COL7A1: variants seen among roughly 807,000 people sequenced by gnomAD.
COL7A1 encodes the protein collagen type VII alpha 1 chain, also known as collagen alpha-1(VII) chain.
A neutral mutation model predicts 456.2 loss-of-function variants in COL7A1; 296 were observed. That is an observed-to-expected ratio of 0.65 (90% CI 0.59 to 0.71). COL7A1 has a LOEUF of 0.71. Ranked by LOEUF, COL7A1 falls within the 30% of genes least tolerant of loss-of-function variation. COL7A1 has a pLI of 0.00. For missense variants in COL7A1, 3,441 were observed against 4,017.2 expected (o/e 0.86, Z 3.88); for synonymous variants, 1,464 against 1,525.9 (o/e 0.96, Z 0.95).
rs768493397 is a variant in COL7A1, at chr3:48,590,264, C to T, written c.1999G>A (p.Val667Ile). The T allele has an allele frequency of 1.2e-6, 2 of 1,613,936 alleles. No individual in the cohort carries two copies. Among genetic ancestry groups the T allele is most frequent in the Non-Finnish European group, 1.7e-6 (2 of 1,179,992 alleles). Reference protein sequence around the residue: ...PGTTYQVAVSVLRGREEGPAA... With the variant: ...PGTTYQVAVSILRGREEGPAA... Reference sequence around the variant, plus strand: ...GGGCCCTCCTCTCTGCCTCGCAGTACCGACACAGCCACCTGGTAGGTGGTT... The same window carrying T: ...GGGCCCTCCTCTCTGCCTCGCAGTATCGACACAGCCACCTGGTAGGTGGTT... Residue 667 changes from valine (V) to isoleucine (I), a missense_variant, in exon 16 of 119, where the codon GTA becomes ATA. By Grantham distance (29) the Val-to-Ile change is conservative (BLOSUM62 3). Coordinates refer to ENST00000681320, the MANE Select transcript of COL7A1 (RefSeq NM_000094.4). The surrounding 1 kb of genome is among the most constrained non-coding windows in gnomAD (Gnocchi z 4.6).
Position 48,567,454 on chromosome 3 carries a change from C to T in COL7A1, c.8046+120G>A. On this transcript the variant is annotated intron_variant, in intron 109 of 118. Coordinates refer to ENST00000681320, the MANE Select transcript of COL7A1 (RefSeq NM_000094.4). This position sits in a 1 kb window ranked among gnomAD's most constrained non-coding sequence, Gnocchi z 4.3. ...TGACACCTCGAGACCAGCCCCACTT[C>T]AGCCCCCAAAGTCCCAACCCTCTAC... The T allele has an allele frequency of 7.1e-7, 1 of 1,416,584 alleles. No individual in the cohort carries two copies. The highest frequency in any genetic ancestry group is 1.0e-6 in the Non-Finnish European group (1 of 1,004,990). 87.8% of individuals were successfully genotyped at this position (1,416,584 alleles called of 1,614,324 possible). A position where few individuals can be genotyped will look rare whatever the true frequency, so the allele number is the denominator to read the frequency against.
Position 48,565,169 on chromosome 3 carries a change from C to A in COL7A1, c.8560G>T (p.Glu2854Ter). The change falls in exon 117 of 119, where the codon GAA (glutamate) becomes TAA (stop). Residue 2854 changes from glutamate to a stop codon, truncating the protein, a stop_gained. Transcript: ENST00000681320. LOFTEE classifies it high-confidence loss of function. The surrounding 1 kb of genome is among the most constrained non-coding windows in gnomAD (Gnocchi z 4.5). ...TCCTCCACAGAATACTCGGAGTATT[C>A]AGAGTACTCATCATCCTCAGGGGGT... ...RVPPEDDEYS[E>*]YSEYSVEEYQ... 6.2e-7 allele frequency: 1 copy of A among 1,613,986 alleles called. No homozygotes were observed. The highest frequency in any genetic ancestry group is 1.1e-5 in the South Asian group (1 of 90,992).
intron 16 of COL7A1, 28 bp from the exon 17 acceptor site, chr3:48,589,746 G>A: frequency 6.2e-7 from 1 of 1,613,912 alleles, no homozygotes; most frequent in Non-Finnish European, 8.5e-7. Flanking sequence ...TGGGGAGTCT[G>A]CTGGAACAGG....
Position 48,572,151 on chromosome 3 carries a change from T to G in COL7A1, c.6999A>C (p.Gly2333=). Residue 2333 remains glycine, a synonymous_variant, in exon 91 of 119, where the codon GGA becomes GGC. Coordinates refer to ENST00000681320, the MANE Select transcript of COL7A1 (RefSeq NM_000094.4). This position sits in a 1 kb window ranked among gnomAD's most constrained non-coding sequence, Gnocchi z 4.6. ...VGEPGAKGDR[G]LPGPRGEKGE... ...CCTTCTCGCCTCGCGGCCCTGGCAG[T>G]CCTCGGTCACCTTTGGCTCCCTGTT... 1 of 1,613,904 alleles carries G rather than the reference T, an allele frequency of 6.2e-7. No homozygotes were observed. The highest frequency in any genetic ancestry group is 8.5e-7 in the Non-Finnish European group (1 of 1,179,986).
In COL7A1 at chr3:48,590,239, G is replaced by A. The variant is rs761046570; in HGVS notation, c.2024C>T (p.Pro675Leu). 4 of 1,613,616 alleles carry A rather than the reference G, an allele frequency of 2.5e-6. No individual in the cohort carries two copies. Among genetic ancestry groups the A allele is most frequent in the Non-Finnish European group, 3.4e-6 (4 of 1,179,968 alleles). ...CGTTCGAGCCACGATGACTGCAGCA[G>A]GGCCCTCCTCTCTGCCTCGCAGTAC... ...VSVLRGREEG[P>L]AAVIVARTDP... The change falls in exon 16 of 119, where the codon CCT (proline) becomes CTT (leucine). Residue 675 changes from proline to leucine, a missense_variant. Pro to Leu is a moderately conservative substitution (Grantham distance 98, BLOSUM62 -3). Transcript: ENST00000681320. The surrounding 1 kb of genome is among the most constrained non-coding windows in gnomAD (Gnocchi z 4.6).
rs1348175069 is a variant in COL7A1 at position 48,576,536 on chromosome 3, C to G, written c.5722G>C (p.Gly1908Arg). 2 of 1,611,228 alleles carry G rather than the reference C, an allele frequency of 1.2e-6. No homozygotes were observed. The highest frequency in any genetic ancestry group is 1.7e-6 in the Non-Finnish European group (2 of 1,179,098). Reference protein sequence around the residue: ...PGQGFPGVPGGTGPKGDRGET... With the variant: ...PGQGFPGVPGRTGPKGDRGET... ...TCCGCACTCACCTTGGGGCCCGTGC[C>G]TCCTGGGACACCAGGAAAACCCTGA... The change falls in exon 69 of 119, where the codon GGC becomes CGC. Residue 1908 changes from glycine (G) to arginine (R), a missense_variant. This residue lies in a region of COL7A1 where 2,084 missense variants were observed against 2,501.3 expected (regional missense o/e 0.83). Coordinates refer to ENST00000681320, the MANE Select transcript of COL7A1 (RefSeq NM_000094.4).
chr3:48,588,053 A>G lies in COL7A1; in HGVS notation c.2711-114T>C. On this transcript the variant is annotated intron_variant, in intron 21 of 118. Transcript: ENST00000681320. This position sits in a 1 kb window ranked among gnomAD's most constrained non-coding sequence, Gnocchi z 4.6. ...TTAACTGGGTTCACCCTCCTGACTG[A>G]TCTTCCTCATCCTCACTGACCCTGC... is the stretch of plus-strand genomic sequence containing the variant. 4.3e-6 allele frequency: 6 copies of G among 1,379,862 alleles called. 1 individual carries two copies. The highest frequency in any genetic ancestry group is 4.9e-6 in the Non-Finnish European group (5 of 1,011,532). The allele number at this position is 1,379,862 out of a possible 1,614,324, so 85.5% of individuals were successfully genotyped here.
rs373745858 is a variant in COL7A1, at chr3:48,582,611, C to G, written c.4561G>C (p.Glu1521Gln). ...VAGRPGAKGP[E>Q]GPPGPTGRQG... is the part of the protein sequence containing the mutation. Reference sequence around the variant, plus strand: ...TCCCACCACAGTCACAGACTCACTTCAGGACCCTTGGCTCCAGGACGTCCA... The same window carrying G: ...TCCCACCACAGTCACAGACTCACTTGAGGACCCTTGGCTCCAGGACGTCCA... Residue 1521 changes from glutamate to glutamine, a missense_variant and splice_region_variant, in exon 45 of 119, where the codon GAA becomes CAA. Coordinates refer to ENST00000681320, the MANE Select transcript of COL7A1 (RefSeq NM_000094.4). The G allele has an allele frequency of 4.6e-5, 75 of 1,613,596 alleles. No homozygotes were observed. The highest frequency in any genetic ancestry group is 2.3e-5 in the Non-Finnish European group (27 of 1,180,044).
Position 48,587,852 on chromosome 3 carries a change from C to A in COL7A1, c.2798G>T (p.Arg933Met), listed in dbSNP as rs772473478. Residue 933 changes from arginine (R) to methionine (M), a missense_variant, in exon 22 of 119, where the codon AGG becomes ATG. Physicochemically the swap from Arg to Met is moderately conservative, Grantham distance 91. Around this residue, in one of 3 missense-constraint regions of COL7A1, gnomAD observed 444 missense variants for 427.6 expected, o/e 1.04. Coordinates refer to ENST00000681320, the MANE Select transcript of COL7A1 (RefSeq NM_000094.4). The surrounding 1 kb of genome is among the most constrained non-coding windows in gnomAD (Gnocchi z 6.1). ...GLEPATQYRV[R>M]LSVLGPAGEG... ...TCCAGCTGGCCCTAGGACACTCAGC[C>A]TCACGCGGTACTGTGTCGCTGGCTC... 1 of 1,613,324 alleles carries A rather than the reference C, an allele frequency of 6.2e-7. No individual in the cohort carries two copies. The highest frequency in any genetic ancestry group is 8.5e-7 in the Non-Finnish European group (1 of 1,179,914).
Position 48,591,344 on chromosome 3 carries a change from C to T in COL7A1, c.1636+120G>A, listed in dbSNP as rs1024520533. On this transcript the variant is annotated intron_variant, in intron 13 of 118. Transcript: ENST00000681320. This position sits in a 1 kb window ranked among gnomAD's most constrained non-coding sequence, Gnocchi z 7.0. ...GCCATCTTGGGAAGCAGATGGATAA[C>T]GAGACAGGGAGGAGACTATAGGGAC... The T allele has an allele frequency of 4.6e-5, 63 of 1,372,170 alleles. No individual in the cohort carries two copies. In the East Asian group the frequency reaches 1.4e-3, roughly 31 times the overall value. 85.0% of individuals were successfully genotyped at this position (1,372,170 alleles called of 1,614,324 possible).
In COL7A1 at chr3:48,566,720, G is replaced by C. The variant is rs749575902; in HGVS notation, c.8244C>G (p.Pro2748=). 9.3e-6 allele frequency: 15 copies of C among 1,613,550 alleles called. No homozygotes were observed. The African/African-American group carries it at 1.6e-4, about 17-fold the overall frequency. ...LQGQKGERGP[P]GERVVGAPGV... ...CAGGAGCCCCCACCACTCTCTCTCC[G>C]GGGGGACCTCGCTCACCCTGTCAGA... is the stretch of plus-strand genomic sequence containing the variant. Residue 2748 remains proline, a synonymous_variant, in exon 112 of 119, where the codon CCC becomes CCG. Transcript: ENST00000681320. The surrounding 1 kb of genome is among the most constrained non-coding windows in gnomAD (Gnocchi z 5.9).
Position 48,583,013 on chromosome 3 carries a change from C to T in COL7A1, c.4518G>A (p.Arg1506=). 2 of 1,613,984 alleles carry T rather than the reference C, an allele frequency of 1.2e-6. No homozygotes were observed. Among genetic ancestry groups the T allele is most frequent in the Non-Finnish European group, 1.7e-6 (2 of 1,179,976 alleles). Reference sequence around the variant, plus strand: ...TGAGCATTGCAGCCAGTGGGTTTACCCGGGATCCCGCTGGGCCTGGGGGTC... The same window carrying T: ...TGAGCATTGCAGCCAGTGGGTTTACTCGGGATCCCGCTGGGCCTGGGGGTC... ...ERGPPGPAGS[R]GLPGVAGRPG... The change falls in exon 44 of 119, where the codon CGG becomes CGA. Residue 1506 remains arginine (R), a splice_region_variant and synonymous_variant. Coordinates refer to ENST00000681320, the MANE Select transcript of COL7A1 (RefSeq NM_000094.4). The surrounding 1 kb of genome is among the most constrained non-coding windows in gnomAD (Gnocchi z 5.1).
In COL7A1 at chr3:48,591,105, C is replaced by G. The variant is rs900353403; in HGVS notation, c.1637-289G>C. Among the ~76,000 whole-genome samples, 2 of 152,148 alleles carry G rather than the reference C, an allele frequency of 1.3e-5. No homozygotes were observed. The highest frequency in any genetic ancestry group is 2.9e-5 in the Non-Finnish European group (2 of 68,034). On this transcript the variant is annotated intron_variant, in intron 13 of 118. Transcript: ENST00000681320. The surrounding 1 kb of genome is among the most constrained non-coding windows in gnomAD (Gnocchi z 7.0). Reference sequence around the variant, plus strand: ...GCAGTGAGAACTGATGAGCCATTGACAGACACTGATGTGGGATGGCAGAGG... The same window carrying G: ...GCAGTGAGAACTGATGAGCCATTGAGAGACACTGATGTGGGATGGCAGAGG...
Position 48,568,667 on chromosome 3 carries a change from T to C in COL7A1, c.7758+117A>G. On this transcript the variant is annotated intron_variant, in intron 104 of 118. Transcript: ENST00000681320. The surrounding 1 kb of genome is among the most constrained non-coding windows in gnomAD (Gnocchi z 5.2). The stretch of plus-strand genomic sequence containing the variant: ...CACACAGATCCCGGGTGAACACACA[T>C]GGGGCCGGCAGCAAGGGAGCCAGAA... The C allele has an allele frequency of 6.8e-7, 1 of 1,468,634 alleles. No homozygotes were observed. The allele number at this position is 1,468,634 out of a possible 1,614,324, so 91.0% of individuals were successfully genotyped here.
chr3:48,590,208 C>T lies in COL7A1; in HGVS notation c.2050+5G>A. The T allele has an allele frequency of 1.2e-6, 2 of 1,612,876 alleles. No individual in the cohort carries two copies. Among genetic ancestry groups the T allele is most frequent in the African/African-American group, 1.3e-5 (1 of 74,978 alleles). On this transcript the variant is annotated splice_donor_5th_base_variant and intron_variant, in intron 16 of 118. Coordinates refer to ENST00000681320, the MANE Select transcript of COL7A1 (RefSeq NM_000094.4). This position sits in a 1 kb window ranked among gnomAD's most constrained non-coding sequence, Gnocchi z 4.6. ...GAGAGCCAAGGGACGGGGGCAGGGC[C>T]TGACCCGTTCGAGCCACGATGACTG...
Position 48,580,898 on chromosome 3 carries a change from C to T in COL7A1, c.4964G>A (p.Gly1655Asp). The T allele has an allele frequency of 6.2e-7, 1 of 1,614,124 alleles. No homozygotes were observed. Among genetic ancestry groups the T allele is most frequent in the Non-Finnish European group, 8.5e-7 (1 of 1,180,032 alleles). Residue 1655 changes from glycine to aspartate, a missense_variant, in exon 54 of 119, where the codon GGC becomes GAC. Coordinates refer to ENST00000681320, the MANE Select transcript of COL7A1 (RefSeq NM_000094.4). The surrounding 1 kb of genome is among the most constrained non-coding windows in gnomAD (Gnocchi z 4.5). ...AAGACTCACCCGAAGGCCACGCTCGCCTGCTTTTCCAGGCAAACCCGGGTC... is the reference window on the plus strand; with the variant it reads ...AAGACTCACCCGAAGGCCACGCTCGTCTGCTTTTCCAGGCAAACCCGGGTC... ...PGDPGLPGKAGERGLRGAPGV... is the reference protein window; with the variant it reads ...PGDPGLPGKADERGLRGAPGV...
Position 48,585,317 on chromosome 3 carries a change from G to A in COL7A1, c.3895-201C>T, listed in dbSNP as rs2045162065. On this transcript the variant is annotated intron_variant, in intron 32 of 118. Transcript: ENST00000681320. The surrounding 1 kb of genome is among the most constrained non-coding windows in gnomAD (Gnocchi z 4.5). The stretch of plus-strand genomic sequence containing the variant: ...CAGGCACAAGGGCAGCGACAAGGCA[G>A]AGGGCTTCCCTGCCTCTGGGACTTG... Among the ~76,000 whole-genome samples, 1 of 152,218 alleles carries A rather than the reference G, an allele frequency of 6.6e-6. No individual in the cohort carries two copies. Among genetic ancestry groups the A allele is most frequent in the Non-Finnish European group, 1.5e-5 (1 of 68,022 alleles).
At chr3:48,577,363 G>A (rs1267276428) in intron 65 of COL7A1, among the ~76,000 whole-genome samples, 1 of 152,218 alleles carries the variant, frequency 6.6e-6, no homozygotes, top group Non-Finnish European at 1.5e-5. Context: ...ATGTACCCAT[G>A]GGTCTGTGTG....
In COL7A1 at chr3:48,566,755, C is replaced by A. The variant is rs1433050515; in HGVS notation, c.8227-18G>T. 2 of 1,613,152 alleles carry A rather than the reference C, an allele frequency of 1.2e-6. No homozygotes were observed. The highest frequency in any genetic ancestry group is 1.7e-6 in the Non-Finnish European group (2 of 1,179,740). On this transcript the variant is annotated intron_variant, in intron 111 of 118. Transcript: ENST00000681320. The surrounding 1 kb of genome is among the most constrained non-coding windows in gnomAD (Gnocchi z 5.9). ...CGCTCACCCTGTCAGACACAGGGAC[C>A]AAGTGAGCAGGGTCAGAGGCAGTGG...
Sources: allele counts gnomAD v4.1 joint callset (sites outside exome capture counted in the v4.1 genomes callset), GRCh38; gene constraint gnomAD v4.1.1; regional missense constraint gnomAD v4.1.1; non-coding constraint Gnocchi (gnomAD v3.1); transcripts MANE v1.5; gene names NCBI Gene and HGNC (gene_info 2026-07-23, HGNC 2026-07-21).